TBC1D22A: variants seen among roughly 807,000 people sequenced by gnomAD.
TBC1D22A encodes putative GTPase activator.
TBC1D22A carries 38 observed loss-of-function variants against 60.2 expected under a neutral mutation model. That is an observed-to-expected ratio of 0.63 (90% CI 0.49 to 0.83). The LOEUF is 0.83. Ranked by LOEUF, TBC1D22A falls within the 40% of genes least tolerant of loss-of-function variation. The probability of loss-of-function intolerance (pLI) is 0.00; values close to 1 mark genes in which losing one functional copy is unlikely to be tolerated. For synonymous variants in TBC1D22A, 302 were observed against 281.7 expected, an observed-to-expected ratio of 1.07 and a Z score of -0.72; for missense variants, 628 against 701.0, an observed-to-expected ratio of 0.90 and a Z score of 1.18.
chr22:46,797,719 C>A (rs2084719036), intron 4 of TBC1D22A, 99 bp downstream of exon 4: 2 of 1,262,344 alleles, frequency 1.6e-6, no homozygotes, highest in Non-Finnish European at 2.1e-6. Context: ...ATGTAATGCA[C>A]ACGCGTCCGT....
At chr22:46,789,384 C>G (rs185328376) in intron 1 of TBC1D22A, 1 of 456,586 alleles carries the variant, frequency 2.2e-6, no homozygotes, top group African/African-American at 2.0e-5. Context: ...CTCGGCCTCC[C>G]GATAAGACTG....
chr22:46,986,066 G>C (rs1388370996), intron 9 of TBC1D22A, among the ~76,000 whole-genome samples: 4 of 152,162 alleles, frequency 2.6e-5, no homozygotes. Context: ...CTACAACCTA[G>C]CTTGACTTAA....
chr22:47,136,182 G>C (rs1359867261), intron 12 of TBC1D22A, among the ~76,000 whole-genome samples: 2 of 152,230 alleles, frequency 1.3e-5, no homozygotes, highest in Admixed American at 6.5e-5. Flanking sequence ...AGGCCTCCCA[G>C]TGCCAGCTGC....
intron 12 of TBC1D22A, among the ~76,000 whole-genome samples, chr22:47,112,002 G>T (rs1177742579): frequency 6.6e-6 from 1 of 152,196 alleles, no homozygotes; most frequent in Non-Finnish European, 1.5e-5. Context: ...ACAGCCTGGG[G>T]TGCCTTCCAG....
chr22:46,884,191 C>G (rs5769195), intron 5 of TBC1D22A, among the ~76,000 whole-genome samples: 1 of 151,158 alleles, frequency 6.6e-6, no homozygotes. Flanking sequence ...AGGAAAAGGG[C>G]TGGGATCAGC....
chr22:46,786,802 C>T (rs961793702), intron 1 of TBC1D22A, among the ~76,000 whole-genome samples: 1 of 152,174 alleles, frequency 6.6e-6, no homozygotes. Context: ...GATCCTCCCA[C>T]GTCAGCCTTC....
chr22:46,862,340 T>C (rs1394589286), intron 4 of TBC1D22A, among the ~76,000 whole-genome samples: 6 of 152,116 alleles, frequency 3.9e-5, no homozygotes, highest in African/African-American at 1.4e-4. Context: ...CCAAGGAGGC[T>C]GTGGGCAGGA....
At chr22:46,997,990 A>G (rs2075178298) in intron 10 of TBC1D22A, among the ~76,000 whole-genome samples, 1 of 152,118 alleles carries the variant, frequency 6.6e-6, no homozygotes, top group South Asian at 2.1e-4. Flanking sequence ...TGATTGTCAT[A>G]ATCTAGGTGA....
intron 11 of TBC1D22A, among the ~76,000 whole-genome samples, chr22:47,098,704 A>C (rs1239278870): frequency 6.6e-6 from 1 of 152,268 alleles, no homozygotes; most frequent in South Asian, 2.1e-4. Flanking sequence ...AGGTCAGATG[A>C]CTCGCATCAT....
At chr22:47,013,130 G>A (rs944542135) in intron 10 of TBC1D22A, among the ~76,000 whole-genome samples, 5 of 152,226 alleles carry the variant, frequency 3.3e-5, no homozygotes, top group African/African-American at 1.2e-4. Context: ...CACTGCATCT[G>A]TCCCAGTCGC....
chr22:47,000,640 A>G (rs1026223433), intron 10 of TBC1D22A, among the ~76,000 whole-genome samples: 6 of 152,114 alleles, frequency 3.9e-5, no homozygotes, highest in Admixed American at 6.5e-5. Flanking sequence ...AGCCCCCTGT[A>G]TCCTTCGGGA....
intron 4 of TBC1D22A, among the ~76,000 whole-genome samples, chr22:46,836,144 G>A (rs950620654): frequency 6.6e-6 from 1 of 152,172 alleles, no homozygotes; most frequent in Non-Finnish European, 1.5e-5. Context: ...ATACTCACTG[G>A]CAAAAGTAAG....
intron 11 of TBC1D22A, among the ~76,000 whole-genome samples, chr22:47,070,031 C>T (rs1009896660): frequency 7.3e-6 from 1 of 136,616 alleles, no homozygotes; most frequent in Non-Finnish European, 1.5e-5. Flanking sequence ...TTGGTTGGAG[C>T]GGAGCTGACC....
chr22:46,915,492 CT>C (rs2070296401), intron 8 of TBC1D22A: 7 of 456,574 alleles, frequency 1.5e-5, no homozygotes, highest in Non-Finnish European at 2.6e-5. Flanking sequence ...GCTCATACAC[CT>C]TTGGTGCAGC....
In TBC1D22A at chr22:47,146,141, G is replaced by A. The variant is rs139097961; in HGVS notation, c.1426-27357G>A. 6.0e-5 allele frequency among the ~76,000 whole-genome samples: 9 copies of A among 149,034 alleles called. No homozygotes were observed. The East Asian group carries it at 1.8e-3, about 29-fold the overall frequency. ...GCTGGATTGCTGGTCTGTTTGTGCT[G>A]TCCCTTAAAACAGGGGTTGACTGGG... On this transcript the variant is annotated intron_variant, in intron 12 of 12. Transcript: ENST00000337137.
intron 4 of TBC1D22A, among the ~76,000 whole-genome samples, chr22:46,843,359 C>T (rs965894256): frequency 3.3e-5 from 5 of 152,094 alleles, no homozygotes; most frequent in Admixed American, 6.5e-5. Flanking sequence ...AAAACAGCCA[C>T]GGGTATACAG....
chr22:47,162,047 G>T (rs1050289549), intron 12 of TBC1D22A, among the ~76,000 whole-genome samples: 8 of 152,164 alleles, frequency 5.3e-5, no homozygotes, highest in African/African-American at 1.9e-4. Context: ...ATTTTGACCT[G>T]TTTGTCTCTT....
chr22:46,855,866 C>T (rs898071501), intron 4 of TBC1D22A, among the ~76,000 whole-genome samples: 4 of 152,154 alleles, frequency 2.6e-5, no homozygotes, highest in East Asian at 1.9e-4. Context: ...GCTTTGCCTT[C>T]GTAATTACAT....
rs893288036 is a variant in TBC1D22A at position 46,859,031 on chromosome 22, C to T, written c.638-19622C>T. On this transcript the variant is annotated intron_variant, in intron 4 of 12. Coordinates refer to ENST00000337137, the MANE Select transcript of TBC1D22A (RefSeq NM_014346.5). ...CAGAATCCTTTTCGATAGAGGTCCG[C>T]GCAGTGCTGTGCCCCTTCCCGGGAC... is the stretch of plus-strand genomic sequence containing the variant. Among the ~76,000 whole-genome samples, 939 of 120,874 alleles carry T rather than the reference C, an allele frequency of 7.8e-3. 11 individuals carry two copies. The highest frequency in any genetic ancestry group is 0.028 in the African/African-American group (874 of 30,884). The allele number at this position is 120,874 out of a possible 152,430, so 79.3% of individuals were successfully genotyped here.
Sources: gnomAD v4.1 joint callset for allele counts (sites outside exome capture counted in the v4.1 genomes callset) on GRCh38, gnomAD v4.1.1 for gene constraint, MANE v1.5 for transcripts, NCBI Gene and HGNC (gene_info 2026-07-23, HGNC 2026-07-21) for gene names.